MYCT1: variants seen among roughly 807,000 people sequenced by gnomAD.
The protein encoded by MYCT1 is MYC target 1, also known as myc target protein 1.
Under a neutral mutation model 15.0 loss-of-function variants are expected in MYCT1, and 12 were observed. That is an observed-to-expected ratio of 0.80 (90% CI 0.51 to 1.29). MYCT1 has a LOEUF of 1.29. MYCT1 is among the 50% of genes most tolerant of loss of function. MYCT1 has a pLI of 0.00. For missense variants in MYCT1, 287 were observed against 279.1 expected (o/e 1.03, Z -0.20); for synonymous variants, 104 against 102.7 (o/e 1.01, Z -0.07).
chr6:152,698,846 A>G (rs1323409309), intron 1 of MYCT1, among the ~76,000 whole-genome samples: 6 of 152,196 alleles, frequency 3.9e-5, no homozygotes, highest in Non-Finnish European at 7.3e-5. Context: ...CACAGCTAAC[A>G]GTCCAGTGTT....
At position 152,706,157 on chromosome 6, in the gene MYCT1, A is replaced by G. The variant is rs1019165876; in HGVS notation, c.196+8059A>G. Reference sequence around the variant, plus strand: ...CTAGAATAGTGCTTTACCTTTATTAATGAACTGTGACAGGAAGCCCAAGGC... The same window carrying G: ...CTAGAATAGTGCTTTACCTTTATTAGTGAACTGTGACAGGAAGCCCAAGGC... On this transcript the variant is annotated intron_variant, in intron 1 of 1. Transcript: ENST00000367245. 1.5e-5 allele frequency: 19 copies of G among 1,298,542 alleles called. No homozygotes were observed. In the African/African-American group the frequency reaches 2.5e-4, roughly 17 times the overall value. 80.4% of individuals were successfully genotyped at this position (1,298,542 alleles called of 1,614,324 possible).
chr6:152,735,464 C>T, the MYCT1 span, among the ~76,000 whole-genome samples: 1 of 152,024 alleles, frequency 6.6e-6, no homozygotes, highest in Non-Finnish European at 1.5e-5. Context: ...ATTCTTGCTA[C>T]CGAATTGGAT....
intron 1 of MYCT1, among the ~76,000 whole-genome samples, chr6:152,707,851 A>T (rs934554727): frequency 8.6e-5 from 13 of 151,988 alleles, no homozygotes; most frequent in African/African-American, 3.1e-4. Context: ...ATGTTTCATT[A>T]ATCTAAATGT....
chr6:152,706,518 G>A (rs942154614), intron 1 of MYCT1, among the ~76,000 whole-genome samples: 17 of 152,202 alleles, frequency 1.1e-4, no homozygotes, highest in South Asian at 6.2e-4. Flanking sequence ...TCTGTGGAGA[G>A]TGAGAATAAT....
chr6:152,721,829 G>C lies in MYCT1; in HGVS notation c.284G>C (p.Arg95Pro). ...FIWAVFICLS[R>P]RRRASAPISQ... ...TGGGCTGTGTTCATTTGTCTGTCTC[G>C]AAGAAGAAGAGCCAGTGCTCCCATC... The change falls in exon 2 of 2, where the codon CGA (arginine) becomes CCA (proline). Residue 95 changes from arginine to proline, a missense_variant. Physicochemically the swap from Arg to Pro is moderately radical, Grantham distance 103 (BLOSUM62 -2). Transcript: ENST00000367245. 3.1e-6 allele frequency: 5 copies of C among 1,613,934 alleles called. No individual in the cohort carries two copies. The highest frequency in any genetic ancestry group is 4.2e-6 in the Non-Finnish European group (5 of 1,179,964).
chr6:152,726,177 A>G (rs2099725616), downstream of MYCT1, among the ~76,000 whole-genome samples: 1 of 152,068 alleles, frequency 6.6e-6, no homozygotes, highest in South Asian at 2.1e-4. Context: ...CGGGCAGATC[A>G]CCTGAGGTCA....
At chr6:152,738,597 T>C in the MYCT1 span, among the ~76,000 whole-genome samples, 6 of 152,096 alleles carry the variant, frequency 3.9e-5, no homozygotes, top group Non-Finnish European at 8.8e-5. Context: ...TTTTTTTTCC[T>C]GCTGAATATG....
the MYCT1 span, among the ~76,000 whole-genome samples, chr6:152,730,611 G>A: frequency 6.6e-6 from 1 of 152,194 alleles, no homozygotes; most frequent in Non-Finnish European, 1.5e-5. Context: ...TTGCGAGTGG[G>A]AAGCAACCAG....
At chr6:152,698,350 T>G (rs1052935145) in intron 1 of MYCT1, among the ~76,000 whole-genome samples, 2 of 151,722 alleles carry the variant, frequency 1.3e-5, no homozygotes, top group African/African-American at 4.8e-5. Context: ...AGAATCTGGG[T>G]ATTAAGTACA....
intron 1 of MYCT1, among the ~76,000 whole-genome samples, chr6:152,716,623 G>C (rs772520406): frequency 6.6e-6 from 1 of 152,116 alleles, no homozygotes; most frequent in Admixed American, 6.6e-5. Context: ...GAACGTGGCT[G>C]TTATTATCAG....
chr6:152,727,652 G>A (rs1379192074), downstream of MYCT1, among the ~76,000 whole-genome samples: 1 of 152,182 alleles, frequency 6.6e-6, no homozygotes, highest in Non-Finnish European at 1.5e-5. Context: ...AGGTATGTTG[G>A]GGAAAGGATA....
At chr6:152,732,264 T>C in the MYCT1 span, among the ~76,000 whole-genome samples, 5 of 152,186 alleles carry the variant, frequency 3.3e-5, no homozygotes, top group African/African-American at 1.2e-4. Flanking sequence ...ATCCTCGGCC[T>C]AACAGATATT....
At chr6:152,704,375 T>G (rs1565390308) in intron 1 of MYCT1, among the ~76,000 whole-genome samples, 1 of 152,196 alleles carries the variant, frequency 6.6e-6, no homozygotes, top group Non-Finnish European at 1.5e-5. Flanking sequence ...AGGCTATTGC[T>G]GAGATCTCCA....
chr6:152,721,558 A>G (rs1565395237), intron 1 of MYCT1, among the ~76,000 whole-genome samples, 184 bp from the exon 2 acceptor site: 1 of 152,164 alleles, frequency 6.6e-6, no homozygotes, highest in African/African-American at 2.4e-5. Flanking sequence ...TTCTGCTTGA[A>G]TAAATGGAAG....
At chr6:152,731,859 C>G in the MYCT1 span, among the ~76,000 whole-genome samples, 1 of 151,956 alleles carries the variant, frequency 6.6e-6, no homozygotes, top group Non-Finnish European at 1.5e-5. Context: ...GCTATCCTCC[C>G]ACCTCAGCCT....
the MYCT1 span, among the ~76,000 whole-genome samples, chr6:152,746,939 T>G: frequency 6.6e-6 from 1 of 152,200 alleles, no homozygotes; most frequent in Non-Finnish European, 1.5e-5. Context: ...TTTAGATCAT[T>G]ATTTGTTTTG....
chr6:152,705,912 T>G lies in MYCT1; in HGVS notation c.196+7814T>G, dbSNP rs931742019. The stretch of plus-strand genomic sequence containing the variant: ...TATGCAAAGTTCCTCAGAAGTTGGT[T>G]ACGATGCTATGGTCAGAGATTTTGT... On this transcript the variant is annotated intron_variant, in intron 1 of 1. Transcript: ENST00000367245. The G allele has an allele frequency of 7.9e-6, 6 of 760,946 alleles. No individual in the cohort carries two copies. The African/African-American group carries it at 1.0e-4, about 13-fold the overall frequency. The allele number at this position is 760,946 out of a possible 1,614,324, so 47.1% of individuals were successfully genotyped here.
downstream of MYCT1, among the ~76,000 whole-genome samples, chr6:152,727,750 T>C (rs1222760513): frequency 1.3e-5 from 2 of 151,448 alleles, no homozygotes; most frequent in Non-Finnish European, 2.9e-5. Flanking sequence ...CTGCTCCCAA[T>C]GGCTGTCACT....
At chr6:152,698,836 C>T (rs900472667) in intron 1 of MYCT1, among the ~76,000 whole-genome samples, 3 of 152,054 alleles carry the variant, frequency 2.0e-5, no homozygotes, top group African/African-American at 7.2e-5. Context: ...TGAGTCCAGC[C>T]ACAGCTAACA....
Sources: allele counts gnomAD v4.1 joint callset (sites outside exome capture counted in the v4.1 genomes callset), GRCh38; gene constraint gnomAD v4.1.1; transcripts MANE v1.5; gene names NCBI Gene and HGNC (gene_info 2026-07-23, HGNC 2026-07-21).